Variants in SPMAP2L observed in about 807,000 individuals in gnomAD.
The protein encoded by SPMAP2L is sperm microtubule associated protein 2-like.
chr4:56,598,689 G>A, the SPMAP2L span, among the ~76,000 whole-genome samples: 3 of 151,856 alleles, frequency 2.0e-5, no homozygotes, highest in East Asian at 1.9e-4. Flanking sequence ...AGGGATCAAG[G>A]AGAGGAGGGG....
the SPMAP2L span, among the ~76,000 whole-genome samples, chr4:56,590,862 A>T: frequency 6.6e-6 from 1 of 152,234 alleles, no homozygotes; most frequent in African/African-American, 2.4e-5. Flanking sequence ...TTCACGCTTT[A>T]AAATGCTTAA....
At chr4:56,537,365 T>C in the SPMAP2L span, among the ~76,000 whole-genome samples, 2 of 152,328 alleles carry the variant, frequency 1.3e-5, no homozygotes, top group South Asian at 2.1e-4. Context: ...CTTCTCTGAG[T>C]CTGACACTTA....
the SPMAP2L span, among the ~76,000 whole-genome samples, chr4:56,535,263 C>T: frequency 1.3e-5 from 2 of 152,140 alleles, no homozygotes; most frequent in African/African-American, 4.8e-5. Flanking sequence ...TTGTCTTATG[C>T]CCAATTTCTG....
the SPMAP2L span, among the ~76,000 whole-genome samples, chr4:56,616,868 A>G: frequency 6.6e-6 from 1 of 152,264 alleles, no homozygotes; most frequent in East Asian, 1.9e-4. Context: ...GTTAATCTAC[A>G]TAGTTATTTA....
the SPMAP2L span, among the ~76,000 whole-genome samples, chr4:56,560,935 A>G: frequency 1.5e-4 from 22 of 150,778 alleles, no homozygotes; most frequent in African/African-American, 5.1e-4. Flanking sequence ...TAGTAGAGAC[A>G]GAGTCTTGCC....
At chr4:56,585,619 G>C in the SPMAP2L span, among the ~76,000 whole-genome samples, 81 of 152,280 alleles carry the variant, frequency 5.3e-4, no homozygotes, top group African/African-American at 1.8e-3. Context: ...TGGGATTATA[G>C]GTGTGAGCCA....
At chr4:56,610,885 C>T in the SPMAP2L span, among the ~76,000 whole-genome samples, 124 of 152,230 alleles carry the variant, frequency 8.1e-4, no homozygotes, top group Non-Finnish European at 1.6e-3. Context: ...CAAATCAAAA[C>T]CACAATGCGA....
the SPMAP2L span, chr4:56,595,649 C>A: frequency 8.2e-7 from 1 of 1,216,764 alleles, no homozygotes; most frequent in Non-Finnish European, 1.2e-6. Flanking sequence ...GAGATCAGCA[C>A]CTGGTTTGTA....
chr4:56,546,470 G>A, the SPMAP2L span, among the ~76,000 whole-genome samples: 1 of 152,154 alleles, frequency 6.6e-6, no homozygotes, highest in Non-Finnish European at 1.5e-5. Flanking sequence ...GATGTGGCCT[G>A]GGACTTGTAG....
the SPMAP2L span, chr4:56,575,447 A>G: frequency 1.3e-6 from 2 of 1,523,912 alleles, no homozygotes; most frequent in Non-Finnish European, 1.8e-6. Context: ...GGAAAATACT[A>G]TGACAATTTG....
At chr4:56,549,725 G>C in the SPMAP2L span, among the ~76,000 whole-genome samples, 4 of 152,182 alleles carry the variant, frequency 2.6e-5, no homozygotes, top group African/African-American at 9.6e-5. Context: ...TCACACATAA[G>C]AACTTACCAC....
chr4:56,564,443 T>A, the SPMAP2L span, among the ~76,000 whole-genome samples: 1 of 152,182 alleles, frequency 6.6e-6, no homozygotes, highest in Admixed American at 6.5e-5. Flanking sequence ...CCCAGCTCAT[T>A]TATTAATTTC....
chr4:56,624,234 T>A, the SPMAP2L span, among the ~76,000 whole-genome samples: 1 of 152,202 alleles, frequency 6.6e-6, no homozygotes, highest in Non-Finnish European at 1.5e-5. Flanking sequence ...ATTTAGAGCA[T>A]CTGGCAGAAG....
the SPMAP2L span, chr4:56,531,260 G>A: frequency 7.0e-7 from 1 of 1,424,776 alleles, no homozygotes; most frequent in African/African-American, 1.4e-5. Flanking sequence ...CTAGAACCGG[G>A]GGTCCTAAGG....
At chr4:56,595,300 G>T in the SPMAP2L span, 7 of 1,612,574 alleles carry the variant, frequency 4.3e-6, no homozygotes, top group East Asian at 1.3e-4. Context: ...AGTGGATGTG[G>T]CCAAGAGACT....
the SPMAP2L span, chr4:56,594,923 T>C: frequency 6.2e-7 from 1 of 1,612,002 alleles, no homozygotes; most frequent in Non-Finnish European, 8.5e-7. Context: ...TCACAAGACC[T>C]TCTGCATTCC....
the SPMAP2L span, chr4:56,575,387 A>T: frequency 8.6e-7 from 1 of 1,166,400 alleles, no homozygotes; most frequent in Non-Finnish European, 1.2e-6. Context: ...AAAATAGATC[A>T]TCAATAATAA....
chr4:56,565,058 T>C, the SPMAP2L span, among the ~76,000 whole-genome samples: 6 of 152,220 alleles, frequency 3.9e-5, no homozygotes, highest in African/African-American at 1.4e-4. Context: ...TTCAAAATTA[T>C]TGAAACTTTT....
At chr4:56,594,517 G>C in the SPMAP2L span, 1 of 1,608,326 alleles carries the variant, frequency 6.2e-7, no homozygotes, top group Non-Finnish European at 8.5e-7. Context: ...GGGGAGCCCA[G>C]GGAGAATATG....
Sources: allele counts gnomAD v4.1 joint callset (sites outside exome capture counted in the v4.1 genomes callset), GRCh38; gene constraint gnomAD v4.1.1; transcripts MANE v1.5; gene names NCBI Gene and HGNC (gene_info 2026-07-23, HGNC 2026-07-21).